COL12A1: variants seen among roughly 807,000 people sequenced by gnomAD.
COL12A1 encodes collagen alpha-1(XII) chain.
A neutral mutation model predicts 349.7 loss-of-function variants in COL12A1; 114 were observed. The ratio of observed to expected loss-of-function variants is 0.33; its 90% CI spans 0.28 to 0.38. The LOEUF is 0.38. Ranked by LOEUF, COL12A1 falls within the 10% of genes least tolerant of loss-of-function variation. The probability of loss-of-function intolerance (pLI) is 1.00; values close to 1 mark genes in which losing one functional copy is unlikely to be tolerated. For missense variants in COL12A1, 3,284 were observed against 3,756.9 expected (o/e 0.87, Z 3.29); for synonymous variants, 1,369 against 1,329.0 (o/e 1.03, Z -0.66).
chr6:75,088,646 T>C (rs537354522), intron 64 of COL12A1, among the ~76,000 whole-genome samples: 35 of 152,132 alleles, frequency 2.3e-4, no homozygotes, highest in Non-Finnish European at 3.5e-4. Context: ...AATGAAGTTA[T>C]GGAGGTTGAA....
intron 6 of COL12A1, 79 bp downstream of exon 6, chr6:75,189,473 T>C (rs1259890167): frequency 6.4e-7 from 1 of 1,568,426 alleles, no homozygotes; most frequent in South Asian, 1.2e-5. Flanking sequence ...ATATTTAATA[T>C]GTAATAGGCA....
Position 75,183,952 on chromosome 6 carries a change from T to C in COL12A1, c.1190A>G (p.Asp397Gly). The C allele has an allele frequency of 6.8e-6, 11 of 1,614,208 alleles. No homozygotes were observed. The highest frequency in any genetic ancestry group is 9.3e-6 in the Non-Finnish European group (11 of 1,180,042). The change falls in exon 9 of 66, where the codon GAC becomes GGC. Residue 397 changes from aspartate (D) to glycine (G), a missense_variant. Asp to Gly is a moderately conservative substitution (Grantham distance 94). This residue lies in a region of COL12A1 where 2,601 missense variants were observed against 2,824.8 expected (regional missense o/e 0.92). Coordinates refer to ENST00000322507, the MANE Select transcript of COL12A1 (RefSeq NM_004370.6). ...TTLSVRDLSA[D>G]TEYQISVSAM... ...GGAAACACTGATCTGGTATTCTGTGTCTGCTGAGAGGTCGCGAACACTGAG... is the reference window on the plus strand; with the variant it reads ...GGAAACACTGATCTGGTATTCTGTGCCTGCTGAGAGGTCGCGAACACTGAG...
chr6:75,134,249 C>T (rs1766466234), intron 32 of COL12A1, among the ~76,000 whole-genome samples: 1 of 152,090 alleles, frequency 6.6e-6, no homozygotes, highest in African/African-American at 2.4e-5. Context: ...CAAACAGAGA[C>T]AAGTAATTCC....
At chr6:75,193,501 C>G (rs565340428) in intron 3 of COL12A1, among the ~76,000 whole-genome samples, 1 of 152,296 alleles carries the variant, frequency 6.6e-6, no homozygotes, top group East Asian at 1.9e-4. Context: ...TCTTCCATCT[C>G]TACTGTCAGC....
At chr6:75,167,222 G>T (rs937439474) in intron 13 of COL12A1, among the ~76,000 whole-genome samples, 2 of 152,136 alleles carry the variant, frequency 1.3e-5, no homozygotes, top group Admixed American at 6.5e-5. Context: ...TGGTTTGGCT[G>T]TGGGCTTCTT....
chr6:75,191,283 C>G (rs1407734), intron 5 of COL12A1, among the ~76,000 whole-genome samples: 127,440 of 151,924 alleles, frequency 0.84, 54,697 homozygotes, highest in Non-Finnish European at 0.93. Context: ...AATTGTATTA[C>G]TTTGAACACT....
intron 38 of COL12A1, 31 bp downstream of exon 38, chr6:75,128,265 A>G (rs769515809): frequency 6.5e-7 from 1 of 1,527,626 alleles, no homozygotes; most frequent in Non-Finnish European, 8.8e-7. Context: ...ATTTCAAAGC[A>G]AAAATAAAAG....
chr6:75,152,288 G>A (rs1203939155), intron 18 of COL12A1, 38 bp from the exon 19 acceptor site: 1 of 1,613,536 alleles, frequency 6.2e-7, no homozygotes. Flanking sequence ...ATGTGAAAGA[G>A]AAAGATAAAA....
At chr6:75,146,495 A>C (rs1283238859) in intron 23 of COL12A1, among the ~76,000 whole-genome samples, 1 of 152,192 alleles carries the variant, frequency 6.6e-6, no homozygotes, top group Non-Finnish European at 1.5e-5. Context: ...CAGGTGTCAA[A>C]TGGCATTCCA....
intron 23 of COL12A1, among the ~76,000 whole-genome samples, chr6:75,146,668 A>T (rs952200642): frequency 6.6e-6 from 1 of 152,210 alleles, no homozygotes; most frequent in Non-Finnish European, 1.5e-5. Flanking sequence ...TAAGAACACT[A>T]TACATTAATA....
At chr6:75,156,564 A>G in intron 14 of COL12A1, 41 bp from the exon 15 acceptor site, 1 of 1,579,590 alleles carries the variant, frequency 6.3e-7, no homozygotes, top group East Asian at 2.3e-5. Flanking sequence ...ACCATGTTGA[A>G]AAAAAATGTA....
chr6:75,179,807 T>C (rs971720467), intron 11 of COL12A1, among the ~76,000 whole-genome samples: 2 of 152,250 alleles, frequency 1.3e-5, no homozygotes, highest in African/African-American at 4.8e-5. Flanking sequence ...AGTCTTCCAC[T>C]AACCAACTTA....
At position 75,177,761 on chromosome 6, in the gene COL12A1, T is replaced by C; in HGVS notation, c.2339A>G (p.Glu780Gly). 1 of 1,614,120 alleles carries C rather than the reference T, an allele frequency of 6.2e-7. No individual in the cohort carries two copies. The highest frequency in any genetic ancestry group is 8.5e-7 in the Non-Finnish European group (1 of 1,180,022). ...TPPNQRRRTLENLIPDTKYEV... is the reference protein window; with the variant it reads ...TPPNQRRRTLGNLIPDTKYEV... ...ATATTTCGTGTCTGGAATCAAGTTC[T>C]CCAGTGTTCTCCTCCTCTGATTGGG... Residue 780 changes from glutamate (E) to glycine (G), a missense_variant, in exon 12 of 66, where the codon GAG becomes GGG. Physicochemically the swap from Glu to Gly is moderately conservative, Grantham distance 98. Around this residue, in one of 2 missense-constraint regions of COL12A1, gnomAD observed 2,601 missense variants for 2,824.8 expected, o/e 0.92. Coordinates refer to ENST00000322507, the MANE Select transcript of COL12A1 (RefSeq NM_004370.6).
At chr6:75,196,837 G>A (rs774517682) in intron 2 of COL12A1, among the ~76,000 whole-genome samples, 1 of 152,128 alleles carries the variant, frequency 6.6e-6, no homozygotes, top group Non-Finnish European at 1.5e-5. Flanking sequence ...CTGAAGCAGC[G>A]GACATTAGGT....
intron 27 of COL12A1, among the ~76,000 whole-genome samples, chr6:75,140,089 G>A (rs1766819442): frequency 6.6e-6 from 1 of 152,130 alleles, no homozygotes; most frequent in South Asian, 2.1e-4. Context: ...GAAATCTTAA[G>A]GGAAAATATA....
chr6:75,106,562 C>T (rs2149349395), intron 52 of COL12A1, 66 bp from the exon 53 acceptor site: 1 of 1,393,418 alleles, frequency 7.2e-7, no homozygotes, highest in East Asian at 2.3e-5. Context: ...GGCACTTCCA[C>T]ATTTTAACAT....
chr6:75,151,975 G>A lies in COL12A1; in HGVS notation c.3892C>T (p.Pro1298Ser), dbSNP rs376766442. The change falls in exon 20 of 66, where the codon CCT becomes TCT. Residue 1298 changes from proline to serine, a missense_variant. Pro to Ser is a moderately conservative substitution (Grantham distance 74, BLOSUM62 -1). Around this residue, in one of 2 missense-constraint regions of COL12A1, gnomAD observed 2,601 missense variants for 2,824.8 expected, o/e 0.92. Coordinates refer to ENST00000322507, the MANE Select transcript of COL12A1 (RefSeq NM_004370.6). ...QNFRTQAGMR[P>S]RARKIGVLIT... ...AGCACACCAATTTTTCGAGCTCGAG[G>A]TCTCATGCCAGCTTGGGTCCTGAAG... 11 of 1,613,806 alleles carry A rather than the reference G, an allele frequency of 6.8e-6. No homozygotes were observed. The highest frequency in any genetic ancestry group is 9.3e-6 in the Non-Finnish European group (11 of 1,179,824).
chr6:75,106,604 T>C, intron 52 of COL12A1, 108 bp from the exon 53 acceptor site: 1 of 890,706 alleles, frequency 1.1e-6, no homozygotes, highest in Non-Finnish European at 1.8e-6. Flanking sequence ...CTCTCAAGGG[T>C]GTGAGCCATT....
In COL12A1 at chr6:75,175,188, C is replaced by T. The variant is rs748681665; in HGVS notation, c.2560G>A (p.Gly854Ser). Residue 854 changes from glycine (G) to serine (S), a missense_variant, in exon 13 of 66, where the codon GGT becomes AGT. Around this residue, in one of 2 missense-constraint regions of COL12A1, gnomAD observed 2,601 missense variants for 2,824.8 expected, o/e 0.92. Coordinates refer to ENST00000322507, the MANE Select transcript of COL12A1 (RefSeq NM_004370.6). ...YLVTYTPVAG[G>S]ETQEVTVRGD... ...CTCACAGTGACCTCTTGAGTTTCAC[C>T]CCCTGCCACTGGGGTATATGTGACG... 3 of 1,614,130 alleles carry T rather than the reference C, an allele frequency of 1.9e-6. No individual in the cohort carries two copies. Among genetic ancestry groups the T allele is most frequent in the Non-Finnish European group, 2.5e-6 (3 of 1,180,032 alleles).
Sources: gnomAD v4.1 joint callset for allele counts (sites outside exome capture counted in the v4.1 genomes callset) on GRCh38, gnomAD v4.1.1 for gene constraint, gnomAD v4.1.1 regional missense constraint, MANE v1.5 for transcripts, NCBI Gene and HGNC (gene_info 2026-07-23, HGNC 2026-07-21) for gene names.